The following BMS1 variants were observed in gnomAD, a reference collection of about 807,000 sequenced individuals.
BMS1 encodes BMS1 ribosome biogenesis factor.
BMS1 carries 53 observed loss-of-function variants against 138.7 expected under a neutral mutation model. That is an observed-to-expected ratio of 0.38 (90% CI 0.31 to 0.48). The LOEUF (loss-of-function observed/expected upper bound fraction) is 0.48. Ranked by LOEUF, BMS1 falls within the 20% of genes least tolerant of loss-of-function variation. The pLI is 0.97. For missense variants in BMS1, 1,360 were observed against 1,565.5 expected (o/e 0.87, Z 2.22); for synonymous variants, 504 against 539.9 (o/e 0.93, Z 0.92).
In BMS1 at chr10:42,820,639, G is replaced by A. The variant is rs186096151; in HGVS notation, c.2901G>A (p.Arg967=). ...TCGAAGACCACAATGGAAGACAAAG[G>A]CTTCTAAAGTATACCCCACAGCACA... The part of the protein sequence containing the change: ...YYIEDHNGRQ[R]LLKYTPQHMH... Residue 967 remains arginine (R), a synonymous_variant, in exon 17 of 23, where the codon AGG becomes AGA. Transcript: ENST00000374518. 5 of 1,611,958 alleles carry A rather than the reference G, an allele frequency of 3.1e-6. No homozygotes were observed. Among genetic ancestry groups the A allele is most frequent in the East Asian group, 2.2e-5 (1 of 44,886 alleles).
Position 42,790,402 on chromosome 10 carries a change from T to C in BMS1, c.527T>C (p.Phe176Ser). 6.2e-7 allele frequency: 1 copy of C among 1,613,934 alleles called. No homozygotes were observed. The highest frequency in any genetic ancestry group is 8.5e-7 in the Non-Finnish European group (1 of 1,179,836). The change falls in exon 5 of 23, where the codon TTT becomes TCT. Residue 176 changes from phenylalanine (F) to serine (S), a missense_variant. By Grantham distance (155) the Phe-to-Ser change is radical (BLOSUM62 -2). Transcript: ENST00000374518. The part of the protein sequence containing the change: ...EFLNICQVHG[F>S]PKIMGVLTHL... ...CTAAACATCTGTCAAGTACATGGCT[T>C]TCCTAAAATTATGGGAGTTCTCACC...
At chr10:42,829,393 C>T (rs1026341219) in intron 21 of BMS1, among the ~76,000 whole-genome samples, 64 of 152,250 alleles carry the variant, frequency 4.2e-4, no homozygotes, top group Middle Eastern at 3.4e-3. Context: ...ATTTTGCCTT[C>T]ATCTGTTGTT....
rs1348136956 is a variant in BMS1 at position 42,790,617 on chromosome 10, G to A, written c.636+106G>A. 6.5e-6 allele frequency: 8 copies of A among 1,231,228 alleles called. No homozygotes were observed. In the Admixed American group the frequency reaches 1.4e-4, roughly 21 times the overall value. 76.3% of individuals were successfully genotyped at this position (1,231,228 alleles called of 1,614,324 possible). Reference sequence around the variant, plus strand: ...ACCTGTAATCCCAGCACTTTGCAAGGCAGAGGCGGTCGGATCACTTGAGCC... The same window carrying A: ...ACCTGTAATCCCAGCACTTTGCAAGACAGAGGCGGTCGGATCACTTGAGCC... On this transcript the variant is annotated intron_variant, in intron 5 of 22. Transcript: ENST00000374518.
At position 42,788,318 on chromosome 10, in the gene BMS1, A is replaced by G. The variant is rs180952679; in HGVS notation, c.447+1071A>G. Among the ~76,000 whole-genome samples, 91 of 152,268 alleles carry G rather than the reference A, an allele frequency of 6.0e-4. No individual in the cohort carries two copies. The Middle Eastern group carries it at 0.017, about 28-fold the overall frequency. The stretch of plus-strand genomic sequence containing the variant: ...AAAATGTAGCAAGCTTCTAATTTTA[A>G]AGACATACATATTAAGAGATACCTT... On this transcript the variant is annotated intron_variant, in intron 4 of 22. Coordinates refer to ENST00000374518, the MANE Select transcript of BMS1 (RefSeq NM_014753.4).
Position 42,790,352 on chromosome 10 carries a change from G to C in BMS1, c.477G>C (p.Gly159=), listed in dbSNP as rs781270816. Reference sequence around the variant, plus strand: ...TGATGCTTATAGATGCCAGCTTTGGGTTTGAAATGGAAACGTTTGAGTTTC... The same window carrying C: ...TGATGCTTATAGATGCCAGCTTTGGCTTTGAAATGGAAACGTTTGAGTTTC... ...LVLMLIDASF[G]FEMETFEFLN... is the part of the protein sequence containing the mutation. The change falls in exon 5 of 23, where the codon GGG becomes GGC. Residue 159 remains glycine (G), a synonymous_variant. Coordinates refer to ENST00000374518, the MANE Select transcript of BMS1 (RefSeq NM_014753.4). 3 of 1,613,868 alleles carry C rather than the reference G, an allele frequency of 1.9e-6. No individual in the cohort carries two copies. The Admixed American group carries it at 5.0e-5, about 27-fold the overall frequency.
rs758830109 is a variant in BMS1, at chr10:42,830,932, C to T, written c.3685C>T (p.Arg1229Trp). 19 of 1,611,712 alleles carry T rather than the reference C, an allele frequency of 1.2e-5. No homozygotes were observed. The highest frequency in any genetic ancestry group is 5.0e-5 in the Admixed American group (3 of 59,698). ...SQKMKKAKEQ[R>W]HLHNKEHFRA... ...GAAGATGAAGAAGGCCAAGGAGCAG[C>T]GGCACCTGCACAATAAAGAGCACTT... is the stretch of plus-strand genomic sequence containing the variant. Residue 1229 changes from arginine to tryptophan, a missense_variant, in exon 23 of 23, where the codon CGG (arginine) becomes TGG (tryptophan). Physicochemically the swap from Arg to Trp is moderately radical, Grantham distance 101. This residue lies in a region of BMS1 where 425 missense variants were observed against 568.3 expected (regional missense o/e 0.75). Transcript: ENST00000374518.
Position 42,831,117 on chromosome 10 carries a change from G to C in BMS1, c.*21G>C. 2 of 1,549,660 alleles carry C rather than the reference G, an allele frequency of 1.3e-6. No homozygotes were observed. Among genetic ancestry groups the C allele is most frequent in the Non-Finnish European group, 1.7e-6 (2 of 1,146,008 alleles). ...AGTGAGCCTTTGGACTGGAGGGACT[G>C]TCCCTGGATCTGCGGAGGTAGACAG... On this transcript the variant is annotated 3_prime_UTR_variant, in exon 23 of 23. Transcript: ENST00000374518.
intron 21 of BMS1, among the ~76,000 whole-genome samples, chr10:42,826,708 G>A (rs551835087): frequency 6.6e-6 from 1 of 152,222 alleles, no homozygotes; most frequent in African/African-American, 2.4e-5. Flanking sequence ...GGACGTGGGG[G>A]TGCCATGTTG....
At chr10:42,807,740 T>C (rs1347068869) in intron 13 of BMS1, among the ~76,000 whole-genome samples, 1 of 152,212 alleles carries the variant, frequency 6.6e-6, no homozygotes, top group Non-Finnish European at 1.5e-5. Flanking sequence ...TTTTGACTAT[T>C]AGAATTGAGC....
rs530944194 is a variant in BMS1, at chr10:42,827,415, G to C, written c.3457-2846G>C. Reference sequence around the variant, plus strand: ...GTGGCCCACCGGCCACTAGGTGGGGGTGATATAGAGCAACAAAGCCTGAGG... The same window carrying C: ...GTGGCCCACCGGCCACTAGGTGGGGCTGATATAGAGCAACAAAGCCTGAGG... On this transcript the variant is annotated intron_variant, in intron 21 of 22. Transcript: ENST00000374518. 2.0e-5 allele frequency among the ~76,000 whole-genome samples: 3 copies of C among 152,338 alleles called. 1 individual carries two copies. Among genetic ancestry groups the C allele is most frequent in the African/African-American group, 7.2e-5 (3 of 41,576 alleles).
At chr10:42,790,208 C>T in intron 4 of BMS1, 115 bp from the exon 5 acceptor site, 1 of 945,390 alleles carries the variant, frequency 1.1e-6, no homozygotes, top group Non-Finnish European at 1.7e-6. Context: ...TCCAATAAAA[C>T]TTTAGTTACA....
Position 42,792,977 on chromosome 10 carries a change from A to G in BMS1, c.922A>G (p.Ser308Gly). 6 of 1,611,260 alleles carry G rather than the reference A, an allele frequency of 3.7e-6. No individual in the cohort carries two copies. The highest frequency in any genetic ancestry group is 5.1e-6 in the Non-Finnish European group (6 of 1,179,170). The change falls in exon 8 of 23, where the codon AGT becomes GGT. Residue 308 changes from serine to glycine, a missense_variant. Transcript: ENST00000374518. ...HMPGVGDFAV[S>G]DISFLPDPCA... ...TCCAGGGGTAGGAGATTTTGCCGTG[A>G]GTGACATCAGTTTCCTCCCAGACCC... is the stretch of plus-strand genomic sequence containing the variant.
chr10:42,816,550 C>T (rs1455834504), intron 13 of BMS1, 49 bp from the exon 14 acceptor site: 1 of 1,501,420 alleles, frequency 6.7e-7, no homozygotes, highest in Non-Finnish European at 9.1e-7. Context: ...GGGCCAGCAG[C>T]ACATGCATAC....
At chr10:42,815,976 G>C (rs760338375) in intron 13 of BMS1, among the ~76,000 whole-genome samples, 1 of 152,128 alleles carries the variant, frequency 6.6e-6, no homozygotes, top group Non-Finnish European at 1.5e-5. Context: ...ATTCGTTTGG[G>C]GGACACACAT....
intron 13 of BMS1, among the ~76,000 whole-genome samples, chr10:42,813,687 C>T (rs1263269881): frequency 6.6e-6 from 1 of 152,170 alleles, no homozygotes; most frequent in African/African-American, 2.4e-5. Context: ...ATATTCATCC[C>T]TTCTGCATAA....
chr10:42,787,985 T>G (rs1295100651), intron 4 of BMS1, among the ~76,000 whole-genome samples: 2 of 152,202 alleles, frequency 1.3e-5, no homozygotes, highest in Non-Finnish European at 2.9e-5. Flanking sequence ...TTAGGAAGTG[T>G]GGGGTGACAG....
intron 13 of BMS1, among the ~76,000 whole-genome samples, chr10:42,810,648 G>A (rs1257131769): frequency 1.3e-5 from 2 of 152,118 alleles, no homozygotes; most frequent in Non-Finnish European, 2.9e-5. Flanking sequence ...TATTCCAGAA[G>A]CTCTTAATTA....
At position 42,804,070 on chromosome 10, in the gene BMS1, A is replaced by G. The variant is rs111794501; in HGVS notation, c.2329+1852A>G. Among the ~76,000 whole-genome samples the G allele has an allele frequency of 5.8e-3, 876 of 152,180 alleles. 11 individuals are homozygous for G. Among genetic ancestry groups the G allele is most frequent in the African/African-American group, 0.019 (807 of 41,518 alleles). ...GATTCATCCATGCTGTTGCATCTTC[A>G]TTTCTTTTTGTTGGCTAGTGGGTAG... On this transcript the variant is annotated intron_variant, in intron 13 of 22. Coordinates refer to ENST00000374518, the MANE Select transcript of BMS1 (RefSeq NM_014753.4).
At chr10:42,823,824 C>T (rs756164689) in intron 21 of BMS1, 40 bp downstream of exon 21, 1 of 1,424,070 alleles carries the variant, frequency 7.0e-7, no homozygotes, top group Non-Finnish European at 9.2e-7. Flanking sequence ...GAAGCCTGTG[C>T]TCTACAGACA....
Sources: allele counts gnomAD v4.1 joint callset (sites outside exome capture counted in the v4.1 genomes callset), GRCh38; gene constraint gnomAD v4.1.1; regional missense constraint gnomAD v4.1.1; transcripts MANE v1.5; gene names NCBI Gene and HGNC (gene_info 2026-07-23, HGNC 2026-07-21).